The following DIPK1A variants were observed in gnomAD, a reference collection of about 807,000 sequenced individuals.
The protein encoded by DIPK1A is divergent protein kinase domain 1A.
In DIPK1A, 27 loss-of-function variants were observed where a neutral mutation model predicts 40.8. That is an observed-to-expected ratio of 0.66 (90% CI 0.49 to 0.91). The LOEUF (loss-of-function observed/expected upper bound fraction) is 0.91, where lower values mean the gene tolerates loss of function less well. Among genes scored for constraint, DIPK1A ranks in the 40% least tolerant of loss-of-function variants. The probability of loss-of-function intolerance (pLI) is 0.00; values close to 1 mark genes in which losing one functional copy is unlikely to be tolerated. For missense variants in DIPK1A, 412 were observed against 505.7 expected, an observed-to-expected ratio of 0.81 and a Z score of 1.78; for synonymous variants, 166 against 171.3, an observed-to-expected ratio of 0.97 and a Z score of 0.24.
chr1:92,857,208 A>G (rs192078830), intron 2 of DIPK1A, among the ~76,000 whole-genome samples: 55 of 152,350 alleles, frequency 3.6e-4, no homozygotes, highest in African/African-American at 1.2e-3. Context: ...AGGCAGGATA[A>G]GAGAGCTTCA....
chr1:92,837,691 C>T (rs1171865029), downstream of DIPK1A: 1 of 1,465,802 alleles, frequency 6.8e-7, no homozygotes, highest in African/African-American at 1.4e-5. Flanking sequence ...AGGTTTATTA[C>T]TTGTTTTGGG....
chr1:92,834,758 C>G (rs543511466), intron 4 of DIPK1A: 17 of 1,612,070 alleles, frequency 1.1e-5, no homozygotes, highest in Middle Eastern at 2.1e-4. Flanking sequence ...GATTACTAAC[C>G]TAGTTTCTCT....
intron 1 of DIPK1A, among the ~76,000 whole-genome samples, chr1:92,919,087 T>C (rs537143772): frequency 3.3e-5 from 5 of 152,342 alleles, no homozygotes; most frequent in Admixed American, 3.3e-4. Context: ...GGATATATTC[T>C]GTATCCTCAA....
chr1:92,850,796 G>A, intron 3 of DIPK1A, 52 bp downstream of exon 3: 2 of 1,120,858 alleles, frequency 1.8e-6, no homozygotes, highest in Non-Finnish European at 2.6e-6. Context: ...TTAATTTCTG[G>A]TAAAATTAGA....
chr1:92,903,182 A>G, intron 1 of DIPK1A, among the ~76,000 whole-genome samples: 1 of 152,090 alleles, frequency 6.6e-6, no homozygotes, highest in East Asian at 1.9e-4. Flanking sequence ...AGTAGCTGGG[A>G]CTACAGGCAC....
chr1:92,918,022 T>C lies in DIPK1A; in HGVS notation c.55-41592A>G, dbSNP rs192182782. Among the ~76,000 whole-genome samples the C allele has an allele frequency of 8.1e-4, 123 of 152,296 alleles. 1 individual carries two copies. The highest frequency in any genetic ancestry group is 1.4e-3 in the Non-Finnish European group (98 of 68,024). On this transcript the variant is annotated intron_variant, in intron 1 of 4. Transcript: ENST00000370310. Reference sequence around the variant, plus strand: ...GGAAAATAAGTGTTAACTAAAGACATAACACATAGGCTCCCATCCTTAGTA... The same window carrying C: ...GGAAAATAAGTGTTAACTAAAGACACAACACATAGGCTCCCATCCTTAGTA...
chr1:92,937,295 T>C (rs911175919), intron 1 of DIPK1A, among the ~76,000 whole-genome samples: 2 of 130,436 alleles, frequency 1.5e-5, no homozygotes, highest in Non-Finnish European at 3.4e-5. Context: ...CTGTCTCTAC[T>C]AAAAAATATT....
intron 1 of DIPK1A, among the ~76,000 whole-genome samples, chr1:92,896,401 G>T (rs1363158382): frequency 6.6e-6 from 1 of 152,076 alleles, no homozygotes; most frequent in African/African-American, 2.4e-5. Context: ...ACAAGAAATG[G>T]GGAAAGGATT....
chr1:92,912,095 C>T (rs936116665), intron 1 of DIPK1A, among the ~76,000 whole-genome samples: 4 of 146,356 alleles, frequency 2.7e-5, no homozygotes, highest in South Asian at 4.6e-4. Context: ...CCATTTTATA[C>T]TCTCAACAGC....
chr1:92,894,881 C>G (rs539512184), intron 1 of DIPK1A, among the ~76,000 whole-genome samples: 4 of 152,054 alleles, frequency 2.6e-5, no homozygotes, highest in Admixed American at 6.6e-5. Context: ...AACACCTCTA[C>G]GCAAATAAAC....
intron 2 of DIPK1A, among the ~76,000 whole-genome samples, chr1:92,862,994 T>G (rs1292932813): frequency 6.6e-6 from 1 of 152,220 alleles, no homozygotes; most frequent in Non-Finnish European, 1.5e-5. Context: ...GCTGAAAAAT[T>G]ATTGTTGTTT....
intron 1 of DIPK1A, among the ~76,000 whole-genome samples, chr1:92,929,373 C>T (rs1374675989): frequency 2.6e-5 from 4 of 152,186 alleles, no homozygotes; most frequent in Non-Finnish European, 4.4e-5. Flanking sequence ...TTTTAGCTTC[C>T]ACGTGCTGCT....
At chr1:92,832,956 A>G (rs1407885461) in exon 5 of DIPK1A, 3 of 715,810 alleles carry the variant, frequency 4.2e-6, no homozygotes, top group Non-Finnish European at 7.7e-6. Context: ...CGTGTTCCGA[A>G]CAAACCGACG....
intron 1 of DIPK1A, among the ~76,000 whole-genome samples, chr1:92,909,774 A>G (rs991047876): frequency 1.3e-5 from 2 of 152,232 alleles, no homozygotes; most frequent in Non-Finnish European, 2.9e-5. Context: ...CTGCTTTTCA[A>G]TAACAGCAAT....
At chr1:92,903,056 CTTT>C (rs1055715819) in intron 1 of DIPK1A, among the ~76,000 whole-genome samples, 1 of 151,948 alleles carries the variant, frequency 6.6e-6, no homozygotes, top group Non-Finnish European at 1.5e-5. Context: ...ACACTGCTTT[CTTT>C]TTATTTATTT....
chr1:92,947,602 T>C (rs1557496948), intron 1 of DIPK1A, among the ~76,000 whole-genome samples: 1 of 152,208 alleles, frequency 6.6e-6, no homozygotes, highest in Non-Finnish European at 1.5e-5. Flanking sequence ...TGGGTATTTA[T>C]CCAAAGGAAA....
At chr1:92,947,479 C>G (rs1651420752) in intron 1 of DIPK1A, among the ~76,000 whole-genome samples, 1 of 152,138 alleles carries the variant, frequency 6.6e-6, no homozygotes, top group Non-Finnish European at 1.5e-5. Context: ...AAAGGGAACT[C>G]TTATACACAG....
Position 92,847,189 on chromosome 1 carries a change from G to T in DIPK1A, c.468C>A (p.Leu156=). 6.5e-7 allele frequency: 1 copy of T among 1,542,448 alleles called. No individual in the cohort carries two copies. The highest frequency in any genetic ancestry group is 1.2e-5 in the South Asian group (1 of 81,684). Residue 156 remains leucine (L), a synonymous_variant, in exon 4 of 5, where the codon CTC becomes CTA. Coordinates refer to ENST00000370310, the MANE Select transcript of DIPK1A (RefSeq NM_001006605.5). ...TATGAATGGGTATGCTTACCTTAAA[G>T]AGACTATAGACCATTTCTTTAAATT... ...VQKFKEMVYS[L]FKAKLGDQGN...
intron 1 of DIPK1A, among the ~76,000 whole-genome samples, chr1:92,894,794 A>G (rs1415768327): frequency 1.3e-5 from 2 of 152,148 alleles, no homozygotes; most frequent in African/African-American, 2.4e-5. Flanking sequence ...AGAATCAAAT[A>G]GAGGCAATAA....
Sources: allele counts gnomAD v4.1 joint callset (sites outside exome capture counted in the v4.1 genomes callset), GRCh38; gene constraint gnomAD v4.1.1; transcripts MANE v1.5; gene names NCBI Gene and HGNC (gene_info 2026-07-23, HGNC 2026-07-21).